PDLIM5: variants seen among roughly 807,000 people sequenced by gnomAD.
PDLIM5 encodes PDZ and LIM domain protein 5.
Under a neutral mutation model 64.2 loss-of-function variants are expected in PDLIM5, and 34 were observed. That is an observed-to-expected ratio of 0.53 (90% CI 0.40 to 0.71). The LOEUF (loss-of-function observed/expected upper bound fraction) is 0.71. PDLIM5 is among the 30% of genes least tolerant of loss of function. PDLIM5 has a pLI of 0.00. For synonymous variants in PDLIM5, 253 were observed against 269.1 expected, an observed-to-expected ratio of 0.94 and a Z score of 0.59; for missense variants, 683 against 733.6, an observed-to-expected ratio of 0.93 and a Z score of 0.80.
chr4:94,494,432 G>GGTTTTT (rs1553940971), intron 2 of PDLIM5, among the ~76,000 whole-genome samples: 1 of 70,772 alleles, frequency 1.4e-5, no homozygotes, highest in Non-Finnish European at 2.8e-5. Context: ...TTTTTTTCTT[G>GGTTTTT]TTTTTTTTTT....
chr4:94,583,337 C>T (rs907160152), intron 5 of PDLIM5, among the ~76,000 whole-genome samples: 18 of 152,148 alleles, frequency 1.2e-4, no homozygotes, highest in Admixed American at 6.5e-4. Context: ...TTCTATTATT[C>T]GTGATATCTT....
chr4:94,470,215 C>T (rs952936115), intron 2 of PDLIM5, among the ~76,000 whole-genome samples: 8 of 152,066 alleles, frequency 5.3e-5, no homozygotes, highest in African/African-American at 1.7e-4. Context: ...CCGCCTAGCT[C>T]GGCCTCCCAA....
At chr4:94,577,388 G>A (rs1237154215) in intron 5 of PDLIM5, 3 of 456,314 alleles carry the variant, frequency 6.6e-6, no homozygotes, top group African/African-American at 6.0e-5. Flanking sequence ...GCTGAGAGAG[G>A]GAGAGCAGGA....
At chr4:94,641,272 C>T (rs1740982939) in intron 9 of PDLIM5, among the ~76,000 whole-genome samples, 1 of 152,184 alleles carries the variant, frequency 6.6e-6, no homozygotes, top group African/African-American at 2.4e-5. Context: ...AGTGGCTTCT[C>T]TAAAGTTGAA....
At chr4:94,455,169 A>G (rs1161607280) in intron 1 of PDLIM5, 78 bp from the exon 2 acceptor site, 6 of 621,754 alleles carry the variant, frequency 9.7e-6, no homozygotes, top group Non-Finnish European at 1.4e-5. Context: ...CACCCCCCTC[A>G]AACAAAATAC....
intron 7 of PDLIM5, among the ~76,000 whole-genome samples, chr4:94,609,878 G>A (rs907170665): frequency 2.0e-5 from 3 of 152,114 alleles, no homozygotes; most frequent in South Asian, 2.1e-4. Flanking sequence ...TGTGTGATAC[G>A]AGGTAATTTT....
chr4:94,495,453 TG>T (rs1727297772), intron 2 of PDLIM5, among the ~76,000 whole-genome samples: 1 of 151,980 alleles, frequency 6.6e-6, no homozygotes, highest in Non-Finnish European at 1.5e-5. Context: ...TATCAGATGT[TG>T]ACCTTAACAA....
chr4:94,595,556 A>G (rs1048794876), intron 7 of PDLIM5, among the ~76,000 whole-genome samples: 14 of 152,244 alleles, frequency 9.2e-5, no homozygotes, highest in African/African-American at 3.4e-4. Context: ...TTACCTTTGT[A>G]CATTCATTGA....
chr4:94,640,495 GT>G, intron 9 of PDLIM5, 45 bp downstream of exon 9: 1 of 933,004 alleles, frequency 1.1e-6, no homozygotes, highest in Non-Finnish European at 1.5e-6. Flanking sequence ...TAATATCAAT[GT>G]TGGGTTTTTT....
At chr4:94,492,566 C>A (rs903660031) in intron 2 of PDLIM5, among the ~76,000 whole-genome samples, 1 of 152,106 alleles carries the variant, frequency 6.6e-6, no homozygotes, top group Non-Finnish European at 1.5e-5. Context: ...TCCTGGCAGC[C>A]ATCAGTCTGT....
chr4:94,478,255 CAAAAAAA>C lies in PDLIM5; in HGVS notation c.96+22883_96+22889del, dbSNP rs1156675410. ...TGGGCAACAGAGCCAGACTCCGTCT[CAAAAAAA>C]AAAAAAAAAAAGAATATAGTATTAA... On this transcript the variant is annotated intron_variant, in intron 2 of 12. Coordinates refer to ENST00000317968, the MANE Select transcript of PDLIM5 (RefSeq NM_006457.5). Among the ~76,000 whole-genome samples, 5 of 74,476 alleles carry C rather than the reference CAAAAAAA, an allele frequency of 6.7e-5. No individual in the cohort carries two copies. The East Asian group carries it at 2.3e-3, about 34-fold the overall frequency. The allele number at this position is 74,476 out of a possible 152,430, so 48.9% of individuals were successfully genotyped here.
intron 3 of PDLIM5, among the ~76,000 whole-genome samples, chr4:94,540,762 T>G (rs1000254185): frequency 1.3e-5 from 2 of 152,210 alleles, no homozygotes; most frequent in Non-Finnish European, 2.9e-5. Flanking sequence ...CCTGTTCTGC[T>G]CCTTTTGTTT....
chr4:94,605,067 C>G (rs575751320), intron 7 of PDLIM5, among the ~76,000 whole-genome samples: 5 of 152,230 alleles, frequency 3.3e-5, no homozygotes, highest in African/African-American at 1.2e-4. Context: ...TAAAGATAGT[C>G]TGTTGTTTTT....
At chr4:94,644,483 A>G (rs1741244142) in intron 9 of PDLIM5, among the ~76,000 whole-genome samples, 1 of 152,176 alleles carries the variant, frequency 6.6e-6, no homozygotes, top group African/African-American at 2.4e-5. Context: ...TGATAACAAT[A>G]AAAATAGCTA....
intron 7 of PDLIM5, chr4:94,587,725 A>T (rs771997196): frequency 1.0e-6 from 1 of 984,502 alleles, no homozygotes; most frequent in Admixed American, 6.1e-5. Flanking sequence ...CCTATTTGCA[A>T]TGGAGAAATA....
chr4:94,650,942 C>T (rs1741797894), intron 9 of PDLIM5, among the ~76,000 whole-genome samples: 1 of 152,108 alleles, frequency 6.6e-6, no homozygotes, highest in Non-Finnish European at 1.5e-5. Context: ...TGTCAGTCAA[C>T]ATGTACTTAG....
intron 8 of PDLIM5, among the ~76,000 whole-genome samples, chr4:94,620,382 A>T (rs1739124205): frequency 6.6e-6 from 1 of 152,060 alleles, no homozygotes. Context: ...AAAAATATAA[A>T]ATATTAGCCA....
At chr4:94,645,984 G>A (rs1020070045) in intron 9 of PDLIM5, among the ~76,000 whole-genome samples, 2 of 152,150 alleles carry the variant, frequency 1.3e-5, no homozygotes, top group African/African-American at 2.4e-5. Flanking sequence ...AAATTATTTT[G>A]TACAGCATAT....
At chr4:94,513,299 T>G (rs1729063636) in intron 2 of PDLIM5, among the ~76,000 whole-genome samples, 1 of 152,236 alleles carries the variant, frequency 6.6e-6, no homozygotes, top group Admixed American at 6.5e-5. Flanking sequence ...GAGATTCCAT[T>G]GAATTTATAG....
Sources: gnomAD v4.1 joint callset for allele counts (sites outside exome capture counted in the v4.1 genomes callset) on GRCh38, gnomAD v4.1.1 for gene constraint, MANE v1.5 for transcripts, NCBI Gene and HGNC (gene_info 2026-07-23, HGNC 2026-07-21) for gene names.